The following CIMIP1 variants were observed in gnomAD, a reference collection of about 807,000 sequenced individuals.
CIMIP1 encodes the protein low in lung cancer 1.
the CIMIP1 span, among the ~76,000 whole-genome samples, chr20:58,158,605 G>A: frequency 2.6e-5 from 4 of 151,880 alleles, no homozygotes; most frequent in African/African-American, 7.3e-5. Flanking sequence ...AGCCGAGATC[G>A]TGCCACTGCA....
At chr20:58,152,700 C>CA in the CIMIP1 span, among the ~76,000 whole-genome samples, 20 of 79,568 alleles carry the variant, frequency 2.5e-4, no homozygotes, top group South Asian at 3.7e-4. Flanking sequence ...CCATCCTAGG[C>CA]AAAAAAAAGG....
chr20:58,158,761 T>C, the CIMIP1 span, among the ~76,000 whole-genome samples: 1 of 152,356 alleles, frequency 6.6e-6, no homozygotes, highest in East Asian at 1.9e-4. Context: ...TAGGTAACCT[T>C]GATACCTAAA....
the CIMIP1 span, among the ~76,000 whole-genome samples, chr20:58,156,951 G>A: frequency 2.0e-5 from 3 of 152,278 alleles, no homozygotes; most frequent in East Asian, 5.8e-4. Context: ...TGAGCATTTG[G>A]GGGGTATGCA....
the CIMIP1 span, among the ~76,000 whole-genome samples, chr20:58,153,024 C>A: frequency 6.6e-6 from 1 of 152,144 alleles, no homozygotes; most frequent in South Asian, 2.1e-4. Flanking sequence ...TCGTCTACTG[C>A]AATGCCACTC....
chr20:58,153,088 G>A, the CIMIP1 span, among the ~76,000 whole-genome samples: 16 of 152,164 alleles, frequency 1.1e-4, no homozygotes, highest in East Asian at 9.6e-4. Flanking sequence ...AAGCAAGGTC[G>A]GATTAGGGTG....
the CIMIP1 span, chr20:58,160,555 G>C: frequency 7.2e-6 from 9 of 1,251,964 alleles, no homozygotes; most frequent in Non-Finnish European, 9.8e-6. Context: ...CATCAGGGAG[G>C]CTGGCTTTTC....
the CIMIP1 span, among the ~76,000 whole-genome samples, chr20:58,151,518 A>G: frequency 1.3e-5 from 2 of 151,828 alleles, no homozygotes; most frequent in Non-Finnish European, 2.9e-5. Flanking sequence ...GGTTCAAGCA[A>G]TTCTCTGCCT....
the CIMIP1 span, among the ~76,000 whole-genome samples, chr20:58,159,117 A>G: frequency 6.7e-6 from 1 of 148,940 alleles, no homozygotes; most frequent in Non-Finnish European, 1.5e-5. Flanking sequence ...AGCTATCAGG[A>G]TATTTTAGAA....
At chr20:58,160,321 C>T in the CIMIP1 span, among the ~76,000 whole-genome samples, 1 of 152,216 alleles carries the variant, frequency 6.6e-6, no homozygotes, top group African/African-American at 2.4e-5. Context: ...CATCTGACAA[C>T]AGTGCCATAT....
At chr20:58,158,260 G>A in the CIMIP1 span, among the ~76,000 whole-genome samples, 1 of 152,202 alleles carries the variant, frequency 6.6e-6, no homozygotes, top group South Asian at 2.1e-4. Flanking sequence ...TCACCAGACA[G>A]AGCCTGTGGG....
chr20:58,150,915 C>T, the CIMIP1 span: 211 of 1,553,636 alleles, frequency 1.4e-4, 2 homozygotes, highest in South Asian at 2.3e-3. Context: ...AGACGCGAGA[C>T]GCTGAGCCCA....
At chr20:58,160,729 C>T in the CIMIP1 span, 966 of 1,614,164 alleles carry the variant, frequency 6.0e-4, no homozygotes, top group Non-Finnish European at 7.7e-4. Flanking sequence ...CAGTGCCAGG[C>T]CTGAACAAGT....
chr20:58,160,905 T>C, the CIMIP1 span: 1 of 1,472,108 alleles, frequency 6.8e-7, no homozygotes, highest in Non-Finnish European at 9.2e-7. Context: ...AGAGCTCCCC[T>C]GAATCCCGAG....
At chr20:58,157,289 C>T in the CIMIP1 span, among the ~76,000 whole-genome samples, 13 of 152,300 alleles carry the variant, frequency 8.5e-5, no homozygotes, top group South Asian at 4.1e-4. Flanking sequence ...CGGATATTAT[C>T]ATCCTCAAAC....
At chr20:58,151,023 A>G in the CIMIP1 span, 1 of 1,607,588 alleles carries the variant, frequency 6.2e-7, no homozygotes, top group Non-Finnish European at 8.5e-7. Flanking sequence ...GTGGGTCAGG[A>G]TGAGATCTGG....
At chr20:58,156,637 G>A in the CIMIP1 span, among the ~76,000 whole-genome samples, 2 of 152,304 alleles carry the variant, frequency 1.3e-5, no homozygotes, top group Admixed American at 6.5e-5. Context: ...AGATTGTGGG[G>A]AGAGGGACAG....
At chr20:58,153,900 A>T in the CIMIP1 span, among the ~76,000 whole-genome samples, 1 of 152,188 alleles carries the variant, frequency 6.6e-6, no homozygotes, top group East Asian at 1.9e-4. Context: ...TTTACAAATT[A>T]GGAAATTGAG....
At chr20:58,157,223 G>A in the CIMIP1 span, among the ~76,000 whole-genome samples, 4 of 152,092 alleles carry the variant, frequency 2.6e-5, no homozygotes, top group South Asian at 2.1e-4. Flanking sequence ...TCTCTTAGCC[G>A]CTCACCGTGG....
the CIMIP1 span, among the ~76,000 whole-genome samples, chr20:58,159,522 GA>G: frequency 0.94 from 139,215 of 147,986 alleles, 65,523 homozygotes; most frequent in East Asian, 1. Flanking sequence ...CTAAAAAAAG[GA>G]AAAAAAAAAA....
Sources: allele counts gnomAD v4.1 joint callset (sites outside exome capture counted in the v4.1 genomes callset), GRCh38; gene constraint gnomAD v4.1.1; transcripts MANE v1.5; gene names NCBI Gene and HGNC (gene_info 2026-07-23, HGNC 2026-07-21).